ADARB1: variants seen among roughly 807,000 people sequenced by gnomAD.
The protein encoded by ADARB1 is adenosine deaminase RNA specific B1, also known as double-stranded RNA-specific editase 1.
Under a neutral mutation model 52.4 loss-of-function variants are expected in ADARB1, and 10 were observed. The ratio of observed to expected loss-of-function variants is 0.19; its 90% CI spans 0.12 to 0.32. The LOEUF (loss-of-function observed/expected upper bound fraction) is 0.32, where lower values mean the gene tolerates loss of function less well. Among genes scored for constraint, ADARB1 ranks in the 10% least tolerant of loss-of-function variants. The probability of loss-of-function intolerance (pLI) is 1.00; values close to 1 mark genes in which losing one functional copy is unlikely to be tolerated. For synonymous variants in ADARB1, 349 were observed against 371.1 expected (o/e 0.94, Z 0.68); for missense variants, 643 against 922.3 (o/e 0.70, Z 3.92).
At chr21:45,092,480 AC>A (rs2086598246) in intron 1 of ADARB1, among the ~76,000 whole-genome samples, 2 of 152,188 alleles carry the variant, frequency 1.3e-5, no homozygotes, top group South Asian at 4.1e-4. Flanking sequence ...ATTTACTCTT[AC>A]CTTCAGGTAA....
intron 1 of ADARB1, among the ~76,000 whole-genome samples, chr21:45,088,809 C>T (rs2086447432): frequency 6.6e-6 from 1 of 152,230 alleles, no homozygotes; most frequent in Non-Finnish European, 1.5e-5. Context: ...TCTGATGAGA[C>T]AAGTTGCATC....
At chr21:45,082,245 G>A (rs986611712) in intron 1 of ADARB1, among the ~76,000 whole-genome samples, 1 of 152,128 alleles carries the variant, frequency 6.6e-6, no homozygotes, top group Non-Finnish European at 1.5e-5. Flanking sequence ...ATATTTGTTT[G>A]TATAGATACC....
intron 2 of ADARB1, among the ~76,000 whole-genome samples, chr21:45,149,620 CTG>C (rs2090181303): frequency 6.6e-6 from 1 of 152,184 alleles, no homozygotes; most frequent in Non-Finnish European, 1.5e-5. Flanking sequence ...GTTAATTTAA[CTG>C]TTATCTAGGT....
chr21:45,131,108 G>A (rs2145840684), intron 2 of ADARB1, among the ~76,000 whole-genome samples: 1 of 152,332 alleles, frequency 6.6e-6, no homozygotes, highest in Non-Finnish European at 1.5e-5. Flanking sequence ...TTAAAAAGCA[G>A]TGTCATGCTG....
intron 2 of ADARB1, among the ~76,000 whole-genome samples, chr21:45,140,191 C>T (rs2089644811): frequency 6.6e-6 from 1 of 152,080 alleles, no homozygotes; most frequent in Admixed American, 6.6e-5. Context: ...GATCCACCCA[C>T]CTCAACCCAG....
At chr21:45,159,644 A>G (rs1282540311) in intron 2 of ADARB1, among the ~76,000 whole-genome samples, 11 of 152,164 alleles carry the variant, frequency 7.2e-5, no homozygotes, top group Admixed American at 7.2e-4. Flanking sequence ...CTCCAGCTTC[A>G]TTCCTGGTGT....
intron 1 of ADARB1, among the ~76,000 whole-genome samples, chr21:45,094,771 A>G (rs2086690510): frequency 6.6e-6 from 1 of 151,926 alleles, no homozygotes; most frequent in Non-Finnish European, 1.5e-5. Context: ...CCTTGCTTTC[A>G]TGGAAATTTC....
At chr21:45,192,690 A>G (rs2092331512) in intron 8 of ADARB1, among the ~76,000 whole-genome samples, 1 of 152,226 alleles carries the variant, frequency 6.6e-6, no homozygotes, top group Non-Finnish European at 1.5e-5. Flanking sequence ...TGTGTAAGAA[A>G]AGAGTTCACC....
At chr21:45,085,215 C>T (rs931893175) in intron 1 of ADARB1, among the ~76,000 whole-genome samples, 4 of 152,150 alleles carry the variant, frequency 2.6e-5, no homozygotes, top group South Asian at 2.1e-4. Flanking sequence ...TCTGACTGGC[C>T]GAGTGCACCC....
Position 45,225,948 on chromosome 21 carries a change from C to T in ADARB1, c.*3751C>T, listed in dbSNP as rs780925703. ...CCCGAGGCCAGTGGTTGCTCGGGGC[C>T]TTCCGTGTGAGTTCTAGTGTTCACT... On this transcript the variant is annotated 3_prime_UTR_variant, in exon 11 of 11. Coordinates refer to ENST00000348831, the MANE Select transcript of ADARB1 (RefSeq NM_001112.4). 7.4e-4 allele frequency: 138 copies of T among 187,366 alleles called. No individual in the cohort carries two copies. In the Middle Eastern group the frequency reaches 0.012, roughly 16 times the overall value. The allele number at this position is 187,366 out of a possible 1,614,324, so 11.6% of individuals were successfully genotyped here.
chr21:45,219,987 G>A, intron 9 of ADARB1, among the ~76,000 whole-genome samples: 1 of 108,516 alleles, frequency 9.2e-6, no homozygotes, highest in Admixed American at 9.4e-5. Flanking sequence ...CCTCTTGGTA[G>A]CCTTTTTTTT....
chr21:45,173,472 CTG>C (rs1258770637), intron 3 of ADARB1, among the ~76,000 whole-genome samples: 1 of 152,068 alleles, frequency 6.6e-6, no homozygotes, highest in Admixed American at 6.6e-5. Flanking sequence ...TGTATGGAAT[CTG>C]TATCACAGAA....
intron 8 of ADARB1, among the ~76,000 whole-genome samples, chr21:45,192,167 G>T (rs1308113374): frequency 6.6e-6 from 1 of 151,958 alleles, no homozygotes; most frequent in Non-Finnish European, 1.5e-5. Context: ...AAGAGAATGA[G>T]AGCTAAAAAA....
At chr21:45,196,244 A>G (rs1353207171) in intron 8 of ADARB1, among the ~76,000 whole-genome samples, 1 of 152,120 alleles carries the variant, frequency 6.6e-6, no homozygotes, top group Non-Finnish European at 1.5e-5. Flanking sequence ...TTCAGTGGAG[A>G]AAGAATAGTC....
At chr21:45,148,840 C>G (rs1337383495) in intron 2 of ADARB1, among the ~76,000 whole-genome samples, 1 of 152,202 alleles carries the variant, frequency 6.6e-6, no homozygotes, top group Admixed American at 6.5e-5. Flanking sequence ...TTCTCCCCAG[C>G]TTCTCTCTCC....
chr21:45,167,119 T>A (rs906265527), intron 2 of ADARB1, among the ~76,000 whole-genome samples: 9 of 152,236 alleles, frequency 5.9e-5, no homozygotes, highest in African/African-American at 2.2e-4. Flanking sequence ...CTGCAAGAGA[T>A]TTGTAGCTCC....
At chr21:45,156,325 T>C (rs2090621196) in intron 2 of ADARB1, among the ~76,000 whole-genome samples, 2 of 69,736 alleles carry the variant, frequency 2.9e-5, no homozygotes, top group African/African-American at 1.1e-4. Flanking sequence ...CCACCCATCA[T>C]CACCCATCAC....
chr21:45,088,748 T>C (rs2086444982), intron 1 of ADARB1, among the ~76,000 whole-genome samples: 1 of 152,182 alleles, frequency 6.6e-6, no homozygotes, highest in Non-Finnish European at 1.5e-5. Context: ...AACTTTAGAA[T>C]GGAGGAAGCC....
intron 1 of ADARB1, among the ~76,000 whole-genome samples, chr21:45,094,629 G>C (rs2086685910): frequency 6.6e-6 from 1 of 152,064 alleles, no homozygotes; most frequent in South Asian, 2.1e-4. Flanking sequence ...CGTGGGCCCT[G>C]CTGAGGCCCC....
Sources: gnomAD v4.1 joint callset for allele counts (sites outside exome capture counted in the v4.1 genomes callset) on GRCh38, gnomAD v4.1.1 for gene constraint, MANE v1.5 for transcripts, NCBI Gene and HGNC (gene_info 2026-07-23, HGNC 2026-07-21) for gene names.